Variants in SCN11A observed in about 807,000 individuals in gnomAD.
SCN11A encodes sodium voltage-gated channel alpha subunit 11.
SCN11A carries 122 observed loss-of-function variants against 162.2 expected under a neutral mutation model. The observed-to-expected ratio is 0.75, with a 90% confidence interval of 0.65 to 0.87. The LOEUF is 0.87. SCN11A is among the 40% of genes least tolerant of loss of function. The probability of loss-of-function intolerance (pLI) is 0.00; values close to 1 mark genes in which losing one functional copy is unlikely to be tolerated. For missense variants in SCN11A, 2,015 were observed against 2,181.6 expected (o/e 0.92, Z 1.52); for synonymous variants, 758 against 751.5 (o/e 1.01, Z -0.14).
intron 2 of SCN11A, among the ~76,000 whole-genome samples, chr3:38,975,408 G>A (rs1429958042): frequency 2.0e-5 from 3 of 152,180 alleles, no homozygotes; most frequent in South Asian, 2.1e-4. Context: ...TTCGAGGGGT[G>A]AGAAGGTAAG....
intron 2 of SCN11A, among the ~76,000 whole-genome samples, chr3:39,013,233 TTA>T (rs542653880): frequency 1.3e-5 from 2 of 152,328 alleles, no homozygotes; most frequent in Non-Finnish European, 2.9e-5. Context: ...AATTACATCA[TTA>T]ACAGTGTCTT....
chr3:38,852,320 A>T (rs1171179184), intron 28 of SCN11A, among the ~76,000 whole-genome samples: 1 of 152,108 alleles, frequency 6.6e-6, no homozygotes, highest in Non-Finnish European at 1.5e-5. Context: ...TTTAAGCATG[A>T]ATTTGGGAAG....
rs199544186 is a variant in SCN11A at position 38,896,955 on chromosome 3, G to A, written c.2293C>T (p.Leu765Phe). The A allele has an allele frequency of 9.3e-6, 15 of 1,614,078 alleles. No individual in the cohort carries two copies. In the Admixed American group the frequency reaches 2.3e-4, roughly 25 times the overall value. The change falls in exon 18 of 30, where the codon CTC becomes TTC. Residue 765 changes from leucine to phenylalanine, a missense_variant. Coordinates refer to ENST00000302328, the MANE Select transcript of SCN11A (RefSeq NM_001349253.2). ...WHSFLVVFRI[L>F]CGEWIENMWE... ...ATATTTTCGATCCATTCCCCGCAGA[G>A]GATGCGGAATACCACTAGGAAGGAG...
Position 38,909,146 on chromosome 3 carries a change from T to C in SCN11A, c.1150A>G (p.Ile384Val). The change falls in exon 13 of 30, where the codon ATT (isoleucine) becomes GTT (valine). Residue 384 changes from isoleucine (I) to valine (V), a missense_variant. Ile to Val is a conservative substitution (Grantham distance 29, BLOSUM62 3). Coordinates refer to ENST00000302328, the MANE Select transcript of SCN11A (RefSeq NM_001349253.2). ...ATCAGGTAGAAGGAGCCCAGGAAAA[T>C]GACCACAATGAAGAAGAAGACTGAG... ...LYSVFFFIVV[I>V]FLGSFYLINL... The C allele has an allele frequency of 6.2e-7, 1 of 1,614,056 alleles. No individual in the cohort carries two copies. Among genetic ancestry groups the C allele is most frequent in the Non-Finnish European group, 8.5e-7 (1 of 1,179,966 alleles).
intron 1 of SCN11A, among the ~76,000 whole-genome samples, chr3:39,039,203 A>C (rs2031979740): frequency 6.6e-6 from 1 of 152,170 alleles, no homozygotes; most frequent in Admixed American, 6.5e-5. Context: ...TGCTGGAGGA[A>C]CTCCTTTCTT....
chr3:38,884,198 A>T (rs1016489046), intron 21 of SCN11A, among the ~76,000 whole-genome samples: 10 of 152,276 alleles, frequency 6.6e-5, no homozygotes, highest in African/African-American at 2.4e-4. Flanking sequence ...CAGTAGGTTC[A>T]TCTTCCTAAA....
At chr3:38,976,835 C>A (rs2066852853) in intron 2 of SCN11A, among the ~76,000 whole-genome samples, 1 of 152,168 alleles carries the variant, frequency 6.6e-6, no homozygotes, top group Non-Finnish European at 1.5e-5. Flanking sequence ...CTCCCGTCCC[C>A]CTACCCAAAC....
At chr3:39,037,927 C>T (rs7650682) in intron 1 of SCN11A, among the ~76,000 whole-genome samples, 1 of 151,940 alleles carries the variant, frequency 6.6e-6, no homozygotes, top group Non-Finnish European at 1.5e-5. Context: ...TTTTGAATAA[C>T]GAAACCAATC....
At chr3:38,883,206 T>C (rs372107995) in intron 22 of SCN11A, 27 bp downstream of exon 22, 2 of 1,597,318 alleles carry the variant, frequency 1.3e-6, no homozygotes, top group African/African-American at 1.3e-5. Flanking sequence ...TGATGCCCAA[T>C]GTCTCCACAA....
chr3:38,987,322 CACACACA>C, intron 2 of SCN11A, among the ~76,000 whole-genome samples: 1 of 151,228 alleles, frequency 6.6e-6, no homozygotes, highest in African/African-American at 2.4e-5. Context: ...CACACACACA[CACACACA>C]CACACACACA....
chr3:38,957,884 G>A (rs559889884), intron 3 of SCN11A, among the ~76,000 whole-genome samples: 12 of 152,304 alleles, frequency 7.9e-5, no homozygotes, highest in African/African-American at 2.9e-4. Flanking sequence ...AAGAAATGAC[G>A]GAGGATGAAA....
chr3:39,026,960 AGT>A (rs1559578741), intron 2 of SCN11A, among the ~76,000 whole-genome samples: 1 of 152,188 alleles, frequency 6.6e-6, no homozygotes, highest in Non-Finnish European at 1.5e-5. Context: ...AGTCAGAGAG[AGT>A]CTGTCGCTCT....
intron 7 of SCN11A, among the ~76,000 whole-genome samples, chr3:38,931,758 G>T (rs1205195840): frequency 6.6e-6 from 1 of 152,326 alleles, no homozygotes; most frequent in South Asian, 2.1e-4. Context: ...ACAGCTGCTA[G>T]CCAGCTTTCA....
intron 17 of SCN11A, among the ~76,000 whole-genome samples, chr3:38,899,351 G>C (rs188440739): frequency 5.1e-4 from 77 of 152,216 alleles, no homozygotes; most frequent in Non-Finnish European, 9.1e-4. Context: ...CTTTGTAAAG[G>C]TTTCCAGAAT....
chr3:38,854,531 G>A (rs2064834806), intron 28 of SCN11A, among the ~76,000 whole-genome samples: 1 of 152,188 alleles, frequency 6.6e-6, no homozygotes, highest in Non-Finnish European at 1.5e-5. Context: ...ACAGTGTGTG[G>A]AGACTCACAC....
intron 19 of SCN11A, among the ~76,000 whole-genome samples, chr3:38,886,633 G>A (rs993816377): frequency 3.9e-5 from 6 of 151,952 alleles, no homozygotes; most frequent in African/African-American, 1.5e-4. Flanking sequence ...CCATAATATA[G>A]TAAAAATAAA....
intron 2 of SCN11A, among the ~76,000 whole-genome samples, chr3:38,966,447 G>A (rs1360375933): frequency 6.6e-6 from 1 of 152,210 alleles, no homozygotes; most frequent in Non-Finnish European, 1.5e-5. Context: ...GGTAAGAGGA[G>A]AGAGTAGCAA....
At chr3:38,875,352 T>C (rs2065191358) in intron 23 of SCN11A, among the ~76,000 whole-genome samples, 1 of 152,158 alleles carries the variant, frequency 6.6e-6, no homozygotes, top group South Asian at 2.1e-4. Context: ...CTATTCTTTG[T>C]AACAATTTGA....
chr3:38,934,459 T>G (rs907781465), intron 7 of SCN11A, among the ~76,000 whole-genome samples: 41 of 152,296 alleles, frequency 2.7e-4, no homozygotes, highest in Non-Finnish European at 4.3e-4. Flanking sequence ...GACCCATCAG[T>G]GTGCTGTATT....
Sources: gnomAD v4.1 joint callset for allele counts (sites outside exome capture counted in the v4.1 genomes callset) on GRCh38, gnomAD v4.1.1 for gene constraint, MANE v1.5 for transcripts, NCBI Gene and HGNC (gene_info 2026-07-23, HGNC 2026-07-21) for gene names.